Variants in DLG2 observed in about 807,000 individuals in gnomAD.
DLG2 encodes discs large MAGUK scaffold protein 2, also known as disks large homolog 2.
A neutral mutation model predicts 132.5 loss-of-function variants in DLG2; 45 were observed. The ratio of observed to expected loss-of-function variants is 0.34; its 90% CI spans 0.27 to 0.44. DLG2 has a LOEUF of 0.44. Ranked by LOEUF, DLG2 falls within the 20% of genes least tolerant of loss-of-function variation. The pLI is 1.00. For missense variants in DLG2, 1,045 were observed against 1,196.9 expected (o/e 0.87, Z 1.87); for synonymous variants, 424 against 419.6 (o/e 1.01, Z -0.13).
At chr11:84,502,241 TC>T (rs1555631128) in intron 7 of DLG2, among the ~76,000 whole-genome samples, 1 of 40,716 alleles carries the variant, frequency 2.5e-5, no homozygotes, top group Non-Finnish European at 4.3e-5. Flanking sequence ...CTTCCTTCCT[TC>T]CTTCCTTCCT....
intron 4 of DLG2, among the ~76,000 whole-genome samples, chr11:85,194,839 A>G (rs2080908437): frequency 6.6e-6 from 1 of 152,192 alleles, no homozygotes; most frequent in Non-Finnish European, 1.5e-5. Context: ...TTATTCATTC[A>G]TATATTCATT....
chr11:85,046,536 C>T (rs918579619), intron 6 of DLG2, among the ~76,000 whole-genome samples: 1 of 151,534 alleles, frequency 6.6e-6, no homozygotes, highest in Non-Finnish European at 1.5e-5. Flanking sequence ...TAGACTATTC[C>T]TAATGTAATC....
chr11:84,135,524 C>T (rs1010163679), intron 9 of DLG2, among the ~76,000 whole-genome samples: 2 of 151,918 alleles, frequency 1.3e-5, no homozygotes, highest in African/African-American at 4.8e-5. Context: ...GGGAAGGATC[C>T]TAGAAGGACA....
At chr11:83,473,634 C>T (rs2092324378) in intron 22 of DLG2, among the ~76,000 whole-genome samples, 1 of 151,888 alleles carries the variant, frequency 6.6e-6, no homozygotes, top group Admixed American at 6.6e-5. Flanking sequence ...ACCTTTGGAA[C>T]AGCAATAGGT....
intron 3 of DLG2, among the ~76,000 whole-genome samples, chr11:85,493,648 C>G (rs867512549): frequency 2.0e-4 from 28 of 140,946 alleles, no homozygotes; most frequent in Admixed American, 9.3e-4. Flanking sequence ...GCAGCCTGGG[C>G]AACAGAGCAA....
At chr11:85,468,664 G>T (rs1411222901) in intron 3 of DLG2, among the ~76,000 whole-genome samples, 1 of 152,170 alleles carries the variant, frequency 6.6e-6, no homozygotes, top group Non-Finnish European at 1.5e-5. Flanking sequence ...TGATTGCACT[G>T]TGGTCTGAGA....
In DLG2 at chr11:85,127,392, C is replaced by T. The variant is rs549480247; in HGVS notation, c.283-15657G>A. Among the ~76,000 whole-genome samples, 5 of 151,980 alleles carry T rather than the reference C, an allele frequency of 3.3e-5. No individual in the cohort carries two copies. In the South Asian group the frequency reaches 6.2e-4, roughly 19 times the overall value. On this transcript the variant is annotated intron_variant, in intron 5 of 27. Transcript: ENST00000376104. Reference sequence around the variant, plus strand: ...CTCAGGAAAGCCTCCCGATATTTATCCCTGCCTACCCTGCAACAAAGCTAA... The same window carrying T: ...CTCAGGAAAGCCTCCCGATATTTATTCCTGCCTACCCTGCAACAAAGCTAA...
At chr11:84,665,037 G>A (rs2099698489) in intron 6 of DLG2, among the ~76,000 whole-genome samples, 1 of 151,998 alleles carries the variant, frequency 6.6e-6, no homozygotes, top group Non-Finnish European at 1.5e-5. Flanking sequence ...GCTGCCATGA[G>A]AATCTTAGCT....
intron 9 of DLG2, among the ~76,000 whole-genome samples, chr11:84,099,356 TAAAG>T (rs1464164364): frequency 6.6e-6 from 1 of 152,068 alleles, no homozygotes; most frequent in African/African-American, 2.4e-5. Flanking sequence ...TGAAAAAATA[TAAAG>T]AATCATTAGA....
chr11:84,693,820 C>T (rs1172210741), intron 6 of DLG2, among the ~76,000 whole-genome samples: 1 of 151,650 alleles, frequency 6.6e-6, no homozygotes, highest in East Asian at 1.9e-4. Context: ...ACAGTCCCTT[C>T]CACCTGAAAT....
At chr11:84,620,744 G>A (rs562326843) in intron 6 of DLG2, among the ~76,000 whole-genome samples, 2 of 151,952 alleles carry the variant, frequency 1.3e-5, no homozygotes, top group African/African-American at 2.4e-5. Context: ...ACTCTTAAAC[G>A]CTTCTAGTAG....
intron 8 of DLG2, among the ~76,000 whole-genome samples, chr11:84,237,764 AT>A (rs149766724): frequency 0.14 from 21,637 of 152,054 alleles, 1,735 homozygotes; most frequent in East Asian, 0.24. Flanking sequence ...ACAGCCGGGC[AT>A]GGTGGCTTAT....
At chr11:84,359,234 A>G (rs890343882) in intron 7 of DLG2, among the ~76,000 whole-genome samples, 3 of 151,924 alleles carry the variant, frequency 2.0e-5, no homozygotes, top group African/African-American at 7.2e-5. Context: ...TTCCAAAGAA[A>G]TGGTAAAACT....
At chr11:85,153,815 A>G (rs1385444952) in intron 5 of DLG2, among the ~76,000 whole-genome samples, 5 of 152,160 alleles carry the variant, frequency 3.3e-5, no homozygotes, top group Admixed American at 2.6e-4. Flanking sequence ...AGTACTAAGC[A>G]TGTTCATATT....
At chr11:84,169,577 C>T (rs2095764359) in intron 8 of DLG2, among the ~76,000 whole-genome samples, 1 of 152,044 alleles carries the variant, frequency 6.6e-6, no homozygotes, top group African/African-American at 2.4e-5. Flanking sequence ...GGCCTTCACT[C>T]AAAATATTAT....
chr11:84,279,058 A>G (rs987810960), intron 7 of DLG2, among the ~76,000 whole-genome samples: 2 of 152,284 alleles, frequency 1.3e-5, no homozygotes, highest in East Asian at 1.9e-4. Context: ...AATTTTTGCA[A>G]TCTATCCATC....
chr11:84,660,634 T>C (rs1364475817), intron 6 of DLG2, among the ~76,000 whole-genome samples: 3 of 152,130 alleles, frequency 2.0e-5, no homozygotes, highest in Non-Finnish European at 4.4e-5. Context: ...AACTAGACTA[T>C]GATGGAACAT....
chr11:83,665,757 T>G (rs2075385320), intron 18 of DLG2, among the ~76,000 whole-genome samples: 1 of 152,038 alleles, frequency 6.6e-6, no homozygotes, highest in South Asian at 2.1e-4. Flanking sequence ...TAAGGAAAAA[T>G]GAATAATTTC....
chr11:84,714,322 G>T (rs1434734376), intron 6 of DLG2, among the ~76,000 whole-genome samples: 1 of 152,102 alleles, frequency 6.6e-6, no homozygotes, highest in African/African-American at 2.4e-5. Context: ...TTACAACAAA[G>T]TTGGCCACAT....
Sources: gnomAD v4.1 joint callset for allele counts (sites outside exome capture counted in the v4.1 genomes callset) on GRCh38, gnomAD v4.1.1 for gene constraint, MANE v1.5 for transcripts, NCBI Gene and HGNC (gene_info 2026-07-23, HGNC 2026-07-21) for gene names.